FNDC1: variants seen among roughly 807,000 people sequenced by gnomAD.
FNDC1 encodes the protein fibronectin type III domain-containing protein 1.
A neutral mutation model predicts 168.0 loss-of-function variants in FNDC1; 96 were observed. That is an observed-to-expected ratio of 0.57 (90% CI 0.48 to 0.68). The LOEUF is 0.68. FNDC1 is among the 30% of genes least tolerant of loss of function. The pLI is 0.00. For synonymous variants in FNDC1, 1,099 were observed against 1,025.9 expected (o/e 1.07, Z -1.36); for missense variants, 2,587 against 2,482.1 (o/e 1.04, Z -0.90).
chr6:159,203,391 C>A (rs894718193), intron 4 of FNDC1, among the ~76,000 whole-genome samples: 2 of 152,056 alleles, frequency 1.3e-5, no homozygotes, highest in African/African-American at 4.8e-5. Context: ...GAGGGTGAAG[C>A]CATGTGGGGA....
At chr6:159,235,787 G>A (rs573557240) in intron 11 of FNDC1, among the ~76,000 whole-genome samples, 1 of 152,348 alleles carries the variant, frequency 6.6e-6, no homozygotes, top group South Asian at 2.1e-4. Flanking sequence ...ACCTGAGTCA[G>A]CTGGGAATAG....
At chr6:159,208,846 T>G (rs1348183494) in intron 4 of FNDC1, among the ~76,000 whole-genome samples, 1 of 116,248 alleles carries the variant, frequency 8.6e-6, no homozygotes, top group Non-Finnish European at 1.9e-5. Flanking sequence ...TATTTTTAAT[T>G]TTTTTTTTTT....
intron 13 of FNDC1, 98 bp from the exon 14 acceptor site, chr6:159,239,416 CATG>C (rs1198561646): frequency 9.5e-7 from 1 of 1,051,740 alleles, no homozygotes; most frequent in Non-Finnish European, 1.3e-6. Flanking sequence ...CTGATTAAAA[CATG>C]ATAATACATA....
chr6:159,267,650 C>T (rs894113780), intron 21 of FNDC1, among the ~76,000 whole-genome samples, 154 bp from the exon 22 acceptor site: 3 of 152,062 alleles, frequency 2.0e-5, no homozygotes, highest in Non-Finnish European at 4.4e-5. Context: ...GAGATTGGTG[C>T]CATTATCACC....
Position 159,233,591 on chromosome 6 carries a change from T to G in FNDC1, c.3079T>G (p.Ser1027Ala), listed in dbSNP as rs1448881237. The G allele has an allele frequency of 1.0e-5, 16 of 1,581,242 alleles. No individual in the cohort carries two copies. Among genetic ancestry groups the G allele is most frequent in the African/African-American group, 2.7e-5 (2 of 74,072 alleles). ...ACCCCAGAGCAGAGACGCGGGTCGGTCACCTTCCCAGCCCAGGCTCTCACT... is the reference window on the plus strand; with the variant it reads ...ACCCCAGAGCAGAGACGCGGGTCGGGCACCTTCCCAGCCCAGGCTCTCACT... ...PGPQSRDAGR[S>A]PSQPRLSLTQ... The change falls in exon 11 of 23, where the codon TCA becomes GCA. Residue 1027 changes from serine to alanine, a missense_variant. Physicochemically the swap from Ser to Ala is moderately conservative, Grantham distance 99. Transcript: ENST00000297267. The surrounding 1 kb of genome is among the most constrained non-coding windows in gnomAD (Gnocchi z 4.6).
At chr6:159,262,947 T>G (rs538715707) in intron 19 of FNDC1, among the ~76,000 whole-genome samples, 1 of 152,368 alleles carries the variant, frequency 6.6e-6, no homozygotes, top group Non-Finnish European at 1.5e-5. Context: ...CATTTTGTGA[T>G]AACCTGCTGA....
chr6:159,266,355 A>G lies in FNDC1; in HGVS notation c.5446+110A>G. 4 of 1,113,818 alleles carry G rather than the reference A, an allele frequency of 3.6e-6. No individual in the cohort carries two copies. The South Asian group carries it at 4.2e-5, about 12-fold the overall frequency. The allele number at this position is 1,113,818 out of a possible 1,614,324, so 69.0% of individuals were successfully genotyped here. A position where few individuals can be genotyped will look rare whatever the true frequency, so the allele number is the denominator to read the frequency against. On this transcript the variant is annotated intron_variant, in intron 21 of 22. Transcript: ENST00000297267. Reference sequence around the variant, plus strand: ...AATGTTTATGAGGGCTGGAGCTACGACTATGGCTCACTCTGCCTCTAATAC... The same window carrying G: ...AATGTTTATGAGGGCTGGAGCTACGGCTATGGCTCACTCTGCCTCTAATAC...
chr6:159,222,578 C>T (rs926402828), intron 6 of FNDC1, among the ~76,000 whole-genome samples: 3 of 152,200 alleles, frequency 2.0e-5, no homozygotes, highest in East Asian at 1.9e-4. Flanking sequence ...TCTTGTGAGT[C>T]TTTTGAACTA....
rs1782789730 is a variant in FNDC1 at position 159,220,105 on chromosome 6, C to A, written c.668-1493C>A. Among the ~76,000 whole-genome samples the A allele has an allele frequency of 3.3e-5, 5 of 152,298 alleles. No homozygotes were observed. In the South Asian group the frequency reaches 1.0e-3, roughly 32 times the overall value. On this transcript the variant is annotated intron_variant, in intron 5 of 22. Transcript: ENST00000297267. Reference sequence around the variant, plus strand: ...GTATAAATAATTTACTCATTTATGGCTAGAGTATCACCCGCTTTCTCTCTG... The same window carrying A: ...GTATAAATAATTTACTCATTTATGGATAGAGTATCACCCGCTTTCTCTCTG...
chr6:159,209,807 C>T lies in FNDC1; in HGVS notation c.461-5138C>T, dbSNP rs77839876. ...TTTCTTTTTCTTTCTCTTTTTCATC[C>T]TTTTTTTCCTGCTTTTAAGACCTCT... On this transcript the variant is annotated intron_variant, in intron 4 of 22. Coordinates refer to ENST00000297267, the MANE Select transcript of FNDC1 (RefSeq NM_032532.3). Among the ~76,000 whole-genome samples the T allele has an allele frequency of 1.9e-3, 288 of 152,258 alleles. 3 individuals are homozygous for T. Among genetic ancestry groups the T allele is most frequent in the African/African-American group, 6.2e-3 (259 of 41,532 alleles).
chr6:159,179,886 T>C (rs1004816277), intron 1 of FNDC1, among the ~76,000 whole-genome samples: 1 of 152,198 alleles, frequency 6.6e-6, no homozygotes, highest in Admixed American at 6.5e-5. Flanking sequence ...TCCAGCAGAA[T>C]AAGGGGGTGG....
At chr6:159,270,852 T>C (rs984051818) in intron 22 of FNDC1, among the ~76,000 whole-genome samples, 2 of 152,252 alleles carry the variant, frequency 1.3e-5, no homozygotes, top group Non-Finnish European at 2.9e-5. Context: ...GGTCAGGGCC[T>C]GCCCAGTAGT....
intron 1 of FNDC1, among the ~76,000 whole-genome samples, chr6:159,184,503 C>A (rs996853606): frequency 6.6e-6 from 1 of 152,126 alleles, no homozygotes; most frequent in African/African-American, 2.4e-5. Flanking sequence ...GGCTCATTAG[C>A]AAGTGGGGTT....
At chr6:159,172,761 T>C (rs527305391) in intron 1 of FNDC1, among the ~76,000 whole-genome samples, 1 of 152,374 alleles carries the variant, frequency 6.6e-6, no homozygotes, top group East Asian at 1.9e-4. Flanking sequence ...GGCTACTTGA[T>C]GAATTTTGGT....
chr6:159,173,777 G>A (rs536450657), intron 1 of FNDC1, among the ~76,000 whole-genome samples: 2 of 152,162 alleles, frequency 1.3e-5, no homozygotes, highest in South Asian at 4.2e-4. Flanking sequence ...GAAATGTGCG[G>A]TACTGGGCAA....
At position 159,169,766 on chromosome 6, in the gene FNDC1, G is replaced by A. The variant is rs982930641; in HGVS notation, c.109+61G>A. ...CTCCCCGCGCACCCTCCTGCGCTCG[G>A]GCCCCGTCGTCCCGCTCAGTGCTGG... On this transcript the variant is annotated intron_variant, in intron 1 of 22. Coordinates refer to ENST00000297267, the MANE Select transcript of FNDC1 (RefSeq NM_032532.3). This position sits in a 1 kb window ranked among gnomAD's most constrained non-coding sequence, Gnocchi z 6.8. The A allele has an allele frequency of 1.5e-5, 10 of 658,308 alleles. No individual in the cohort carries two copies. Among genetic ancestry groups the A allele is most frequent in the African/African-American group, 1.9e-5 (1 of 51,652 alleles). The allele number at this position is 658,308 out of a possible 1,614,324, so 40.8% of individuals were successfully genotyped here. A position where few individuals can be genotyped will look rare whatever the true frequency, so the allele number is the denominator to read the frequency against.
intron 5 of FNDC1, among the ~76,000 whole-genome samples, chr6:159,219,227 G>A (rs573664822): frequency 6.6e-6 from 1 of 152,132 alleles, no homozygotes; most frequent in South Asian, 2.1e-4. Flanking sequence ...TTTTAGTAGA[G>A]GCAAGGTTTC....
chr6:159,180,654 C>T (rs1472434070), intron 1 of FNDC1, among the ~76,000 whole-genome samples: 2 of 152,144 alleles, frequency 1.3e-5, no homozygotes, highest in Non-Finnish European at 2.9e-5. Flanking sequence ...CCTGACAGGC[C>T]CCAGTGTGTG....
intron 6 of FNDC1, among the ~76,000 whole-genome samples, chr6:159,222,885 G>A (rs1782859541): frequency 6.6e-6 from 1 of 151,968 alleles, no homozygotes. Context: ...TATTGAGAAA[G>A]CACTGAGTTA....
Sources: allele counts gnomAD v4.1 joint callset (sites outside exome capture counted in the v4.1 genomes callset), GRCh38; gene constraint gnomAD v4.1.1; non-coding constraint Gnocchi (gnomAD v3.1); transcripts MANE v1.5; gene names NCBI Gene and HGNC (gene_info 2026-07-23, HGNC 2026-07-21).